The following EML4 variants were observed in gnomAD, a reference collection of about 807,000 sequenced individuals.
EML4 encodes the protein EMAP like 4.
In EML4, 72 loss-of-function variants were observed where a neutral mutation model predicts 129.0. The ratio of observed to expected loss-of-function variants is 0.56; its 90% CI spans 0.46 to 0.68. EML4 has a LOEUF of 0.68. Among genes scored for constraint, EML4 ranks in the 30% least tolerant of loss-of-function variants. The pLI is 0.00. For synonymous variants in EML4, 532 were observed against 405.0 expected (o/e 1.31, Z -3.77); for missense variants, 1,363 against 1,190.6 (o/e 1.14, Z -2.13).
chr2:42,295,300 C>CT (rs1337809845), intron 12 of EML4, 41 bp downstream of exon 12: 4 of 1,596,652 alleles, frequency 2.5e-6, no homozygotes, highest in Non-Finnish European at 3.4e-6. Context: ...GTGTATAAGA[C>CT]TTTAATTTTT....
At chr2:42,204,728 G>A (rs924937856) in intron 1 of EML4, among the ~76,000 whole-genome samples, 17 of 152,290 alleles carry the variant, frequency 1.1e-4, no homozygotes, top group African/African-American at 3.9e-4. Flanking sequence ...ATGGCTTGCT[G>A]TATTTGTTTT....
intron 1 of EML4, among the ~76,000 whole-genome samples, chr2:42,244,011 T>TATTAAC (rs1675205606): frequency 4.1e-5 from 1 of 24,188 alleles, no homozygotes. Flanking sequence ...TTTTAACAGT[T>TATTAAC]AGTTATTTCC....
chr2:42,291,218 C>G (rs972743370), intron 11 of EML4, among the ~76,000 whole-genome samples: 3 of 152,074 alleles, frequency 2.0e-5, no homozygotes, highest in African/African-American at 7.2e-5. Flanking sequence ...TCCCTCACAG[C>G]ATTCAGAAAA....
rs10530482 is a variant in EML4, at chr2:42,325,602, TTATA to T, written c.2242+82_2242+85del. 2.5e-3 allele frequency: 318 copies of T among 129,292 alleles called. 10 individuals carry two copies. Among genetic ancestry groups the T allele is most frequent in the Admixed American group, 4.6e-3 (32 of 6,936 alleles). The allele number at this position is 129,292 out of a possible 1,614,324, so 8.0% of individuals were successfully genotyped here. A position where few individuals can be genotyped will look rare whatever the true frequency, so the allele number is the denominator to read the frequency against. ...ATATATATATATGCTATGATTATAT[TTATA>T]TATATATATATATATATATATATAT... On this transcript the variant is annotated intron_variant, in intron 20 of 22. Transcript: ENST00000318522.
chr2:42,275,047 C>T (rs927725393), intron 6 of EML4, among the ~76,000 whole-genome samples: 1 of 152,152 alleles, frequency 6.6e-6, no homozygotes, highest in Non-Finnish European at 1.5e-5. Context: ...CTGGACTAGC[C>T]TGAGGCCCTT....
intron 6 of EML4, among the ~76,000 whole-genome samples, chr2:42,265,661 A>T (rs1000428973): frequency 1.7e-5 from 2 of 120,590 alleles, no homozygotes; most frequent in African/African-American, 6.8e-5. Context: ...CTTAAAAAAA[A>T]GTTTTACCTA....
At chr2:42,304,847 C>T (rs1359648976) in intron 17 of EML4, among the ~76,000 whole-genome samples, 2 of 152,088 alleles carry the variant, frequency 1.3e-5, no homozygotes, top group East Asian at 1.9e-4. Flanking sequence ...TAAGCCCTGA[C>T]GCAGCCAGGC....
At chr2:42,278,560 C>G (rs754596734) in intron 6 of EML4, among the ~76,000 whole-genome samples, 1 of 106,104 alleles carries the variant, frequency 9.4e-6, no homozygotes, top group Non-Finnish European at 1.7e-5. Context: ...GGTGACAGAG[C>G]GGGACTCCAT....
rs114462809 is a variant in EML4, at chr2:42,243,348, C to T, written c.26-2157C>T. ...ATCAGCTAGAATTCAGCTAGACCACCGTGGAAGTGAAAAATACTTAAAATA... is the reference window on the plus strand; with the variant it reads ...ATCAGCTAGAATTCAGCTAGACCACTGTGGAAGTGAAAAATACTTAAAATA... On this transcript the variant is annotated intron_variant, in intron 1 of 22. Coordinates refer to ENST00000318522, the MANE Select transcript of EML4 (RefSeq NM_019063.5). Among the ~76,000 whole-genome samples the T allele has an allele frequency of 6.5e-3, 977 of 151,466 alleles. 6 individuals are homozygous for T. The highest frequency in any genetic ancestry group is 0.022 in the African/African-American group (923 of 41,394).
intron 1 of EML4, among the ~76,000 whole-genome samples, chr2:42,234,731 G>T (rs963093452): frequency 6.6e-6 from 1 of 152,126 alleles, no homozygotes; most frequent in Non-Finnish European, 1.5e-5. Context: ...GAAAAAAGAT[G>T]GTCATGTATA....
At chr2:42,312,115 T>C (rs1374296097) in intron 17 of EML4, among the ~76,000 whole-genome samples, 2 of 152,222 alleles carry the variant, frequency 1.3e-5, no homozygotes, top group African/African-American at 4.8e-5. Flanking sequence ...TATTCACATA[T>C]GAAAGATATT....
chr2:42,291,130 T>C (rs1185179485), intron 11 of EML4, among the ~76,000 whole-genome samples: 1 of 152,148 alleles, frequency 6.6e-6, no homozygotes, highest in African/African-American at 2.4e-5. Flanking sequence ...GGCGATGCAG[T>C]AGGCGCAGAA....
chr2:42,241,441 T>C (rs1012011977), intron 1 of EML4, among the ~76,000 whole-genome samples: 3 of 152,140 alleles, frequency 2.0e-5, no homozygotes, highest in East Asian at 3.8e-4. Flanking sequence ...ATAATATTTA[T>C]ACTGAGATAG....
intron 6 of EML4, among the ~76,000 whole-genome samples, chr2:42,277,438 G>A (rs1666717592): frequency 6.6e-6 from 1 of 152,214 alleles, no homozygotes; most frequent in Non-Finnish European, 1.5e-5. Flanking sequence ...AAGTAATGAA[G>A]ACGTACATCA....
chr2:42,316,738 G>T (rs543819321), intron 18 of EML4, among the ~76,000 whole-genome samples: 116 of 152,288 alleles, frequency 7.6e-4, no homozygotes, highest in Non-Finnish European at 3.1e-4. Context: ...ATTAGCACAG[G>T]ATCCAGAGAA....
chr2:42,245,085 A>ATTTTTTTTTTTTTTTTTTTTTTTTTT (rs1409245105), intron 1 of EML4, among the ~76,000 whole-genome samples: 1 of 42,144 alleles, frequency 2.4e-5, no homozygotes, highest in African/African-American at 1.1e-4. Context: ...TTGTTTTGAA[A>ATTTTTTTTTTTTTTTTTTTTTTTTTT]TTTTCTTTCT....
At chr2:42,200,925 C>G (rs544302151) in intron 1 of EML4, among the ~76,000 whole-genome samples, 2 of 152,264 alleles carry the variant, frequency 1.3e-5, no homozygotes, top group African/African-American at 4.8e-5. Flanking sequence ...TTTTCCACTT[C>G]CCCTGTTCTC....
intron 6 of EML4, among the ~76,000 whole-genome samples, chr2:42,265,532 A>G (rs1044281224): frequency 1.3e-5 from 2 of 152,150 alleles, no homozygotes; most frequent in Non-Finnish European, 2.9e-5. Flanking sequence ...GAGCCACCAC[A>G]CTTGGCCCGG....
intron 1 of EML4, among the ~76,000 whole-genome samples, chr2:42,240,621 A>C (rs1387682277): frequency 6.6e-6 from 1 of 152,198 alleles, no homozygotes; most frequent in East Asian, 1.9e-4. Flanking sequence ...TATGGTATGG[A>C]CATATTACAG....
Sources: allele counts gnomAD v4.1 joint callset (sites outside exome capture counted in the v4.1 genomes callset), GRCh38; gene constraint gnomAD v4.1.1; transcripts MANE v1.5; gene names NCBI Gene and HGNC (gene_info 2026-07-23, HGNC 2026-07-21).